TP63: variants seen among roughly 807,000 people sequenced by gnomAD.
TP63 encodes tumor protein 63.
A neutral mutation model predicts 82.8 loss-of-function variants in TP63; 17 were observed. The observed-to-expected ratio is 0.21, with a 90% CI of 0.14 to 0.31. The LOEUF (loss-of-function observed/expected upper bound fraction) is 0.31, where lower values mean the gene tolerates loss of function less well. Among genes scored for constraint, TP63 ranks in the 10% least tolerant of loss-of-function variants. The pLI is 1.00. For missense variants in TP63, 648 were observed against 895.3 expected, an observed-to-expected ratio of 0.72 and a Z score of 3.52; for synonymous variants, 330 against 321.7, an observed-to-expected ratio of 1.03 and a Z score of -0.28.
intron 1 of TP63, among the ~76,000 whole-genome samples, chr3:189,665,335 A>G (rs1214739236): frequency 6.6e-6 from 1 of 152,144 alleles, no homozygotes; most frequent in Non-Finnish European, 1.5e-5. Flanking sequence ...GAGGAATATC[A>G]CAAATATTGA....
intron 4 of TP63, among the ~76,000 whole-genome samples, chr3:189,812,180 C>T (rs16864809): frequency 0.26 from 39,635 of 152,026 alleles, 5,334 homozygotes; most frequent in South Asian, 0.32. Flanking sequence ...GTTTTACCCT[C>T]AGGATTACTG....
rs34209347 is a variant in TP63 at position 189,890,945 on chromosome 3, G to A, written c.1746+63G>A. The A allele has an allele frequency of 5.3e-4, 803 of 1,508,766 alleles. 2 individuals are homozygous for A. The African/African-American group carries it at 9.0e-3, about 17-fold the overall frequency. 93.5% of individuals were successfully genotyped at this position (1,508,766 alleles called of 1,614,324 possible). On this transcript the variant is annotated intron_variant, in intron 13 of 13. Transcript: ENST00000264731. Reference sequence around the variant, plus strand: ...TCATTTCTTTCCTCTGATGACAACCGCCTTGTAGTTCAATCCCTGATAGTT... The same window carrying A: ...TCATTTCTTTCCTCTGATGACAACCACCTTGTAGTTCAATCCCTGATAGTT...
chr3:189,878,690 A>T (rs1441270628), intron 10 of TP63, among the ~76,000 whole-genome samples: 2 of 150,550 alleles, frequency 1.3e-5, no homozygotes, highest in African/African-American at 4.9e-5. Flanking sequence ...GGCCTCCCAC[A>T]GTGCTGGGAT....
intron 4 of TP63, among the ~76,000 whole-genome samples, chr3:189,808,766 C>T (rs564019643): frequency 6.6e-6 from 1 of 152,230 alleles, no homozygotes; most frequent in South Asian, 2.1e-4. Flanking sequence ...TCAGTGTGTT[C>T]CTGCCTGCTT....
chr3:189,885,409 C>T (rs1221052727), intron 10 of TP63, among the ~76,000 whole-genome samples: 1 of 152,170 alleles, frequency 6.6e-6, no homozygotes, highest in Admixed American at 6.5e-5. Context: ...ACTCATGCAG[C>T]AAGTGTAAAT....
At chr3:189,665,105 A>G (rs891623612) in intron 1 of TP63, among the ~76,000 whole-genome samples, 1 of 152,120 alleles carries the variant, frequency 6.6e-6, no homozygotes, top group Non-Finnish European at 1.5e-5. Context: ...TGTTCTCATT[A>G]TTTTACACTT....
chr3:189,858,965 G>A (rs79697807), intron 4 of TP63, among the ~76,000 whole-genome samples: 20,878 of 152,038 alleles, frequency 0.14, 1,810 homozygotes, highest in South Asian at 0.22. Context: ...GGCTGAGAAG[G>A]GGACACGGGG....
At chr3:189,857,280 G>A (rs1716412270) in intron 4 of TP63, among the ~76,000 whole-genome samples, 1 of 152,142 alleles carries the variant, frequency 6.6e-6, no homozygotes, top group Non-Finnish European at 1.5e-5. Context: ...GGGAAAATAT[G>A]CAGGTAATCT....
At chr3:189,604,864 T>C in the TP63 span, among the ~76,000 whole-genome samples, 2 of 152,222 alleles carry the variant, frequency 1.3e-5, no homozygotes, top group African/African-American at 2.4e-5. Flanking sequence ...ACAGATTGAC[T>C]TTCACTTTAC....
chr3:189,744,279 G>T (rs1362083079), intron 3 of TP63, among the ~76,000 whole-genome samples: 1 of 152,188 alleles, frequency 6.6e-6, no homozygotes, highest in African/African-American at 2.4e-5. Context: ...TGCAAGCAAA[G>T]AACACACTCT....
intron 4 of TP63, among the ~76,000 whole-genome samples, chr3:189,847,668 G>T (rs1236969767): frequency 6.6e-6 from 1 of 152,172 alleles, no homozygotes; most frequent in Non-Finnish European, 1.5e-5. Flanking sequence ...AGGCAACGAG[G>T]TTAGTGCAAC....
chr3:189,854,356 G>A lies in TP63; in HGVS notation c.580-9876G>A, dbSNP rs1412135930. Among the ~76,000 whole-genome samples the A allele has an allele frequency of 2.0e-5, 3 of 152,056 alleles. 1 individual carries two copies. Among genetic ancestry groups the A allele is most frequent in the South Asian group, 4.2e-4 (2 of 4,818 alleles). On this transcript the variant is annotated intron_variant, in intron 4 of 13. Coordinates refer to ENST00000264731, the MANE Select transcript of TP63 (RefSeq NM_003722.5). ...AGCAATTCTCCTGCTTCATCCTCCC[G>A]AGTAGCTGGGATTACAGACATGTGC...
chr3:189,600,295 A>T, the TP63 span, among the ~76,000 whole-genome samples: 1 of 152,092 alleles, frequency 6.6e-6, no homozygotes, highest in Admixed American at 6.5e-5. Flanking sequence ...GAATTTGTAT[A>T]ATGTGTTTAA....
intron 1 of TP63, among the ~76,000 whole-genome samples, chr3:189,661,365 A>C (rs1713865968): frequency 6.6e-6 from 1 of 151,872 alleles, no homozygotes; most frequent in East Asian, 1.9e-4. Context: ...TTTATGTGTT[A>C]AATCACATTT....
intron 3 of TP63, among the ~76,000 whole-genome samples, chr3:189,795,549 G>A (rs760871848): frequency 6.6e-6 from 1 of 151,936 alleles, no homozygotes; most frequent in African/African-American, 2.4e-5. Context: ...ATGTAGAGGG[G>A]ATAAAATTTA....
At chr3:189,768,599 T>C (rs1323156783) in intron 3 of TP63, among the ~76,000 whole-genome samples, 1 of 152,168 alleles carries the variant, frequency 6.6e-6, no homozygotes, top group Non-Finnish European at 1.5e-5. Context: ...TGCTTATTTT[T>C]CCTTCTTATA....
intron 3 of TP63, among the ~76,000 whole-genome samples, chr3:189,746,926 A>G (rs1488787767): frequency 1.3e-5 from 2 of 151,850 alleles, no homozygotes; most frequent in African/African-American, 2.4e-5. Context: ...CATTTCATGC[A>G]TATGGAAACC....
chr3:189,858,611 CA>C (rs1463694271), intron 4 of TP63, among the ~76,000 whole-genome samples: 1 of 152,000 alleles, frequency 6.6e-6, no homozygotes, highest in Non-Finnish European at 1.5e-5. Flanking sequence ...CCCATCTCTA[CA>C]AAAAACATAC....
chr3:189,808,186 A>C (rs1466639473), intron 3 of TP63, 86 bp from the exon 4 acceptor site: 1 of 1,609,996 alleles, frequency 6.2e-7, no homozygotes, highest in East Asian at 2.2e-5. Flanking sequence ...ATCTCTGTAG[A>C]ATGCATTCAC....
Sources: allele counts gnomAD v4.1 joint callset (sites outside exome capture counted in the v4.1 genomes callset), GRCh38; gene constraint gnomAD v4.1.1; transcripts MANE v1.5; gene names NCBI Gene and HGNC (gene_info 2026-07-23, HGNC 2026-07-21).